SIPA1L3: variants seen among roughly 807,000 people sequenced by gnomAD.
SIPA1L3 encodes signal-induced proliferation-associated 1-like protein 3.
SIPA1L3 carries 59 observed loss-of-function variants against 150.1 expected under a neutral mutation model. The observed-to-expected ratio is 0.39, with a 90% CI of 0.32 to 0.49. SIPA1L3 has a LOEUF of 0.49. Ranked by LOEUF, SIPA1L3 falls within the 20% of genes least tolerant of loss-of-function variation. The pLI is 0.86. For synonymous variants in SIPA1L3, 1,070 were observed against 1,077.6 expected (o/e 0.99, Z 0.14); for missense variants, 2,211 against 2,489.5 (o/e 0.89, Z 2.38).
chr19:38,177,157 C>G (rs566755923), intron 15 of SIPA1L3, among the ~76,000 whole-genome samples: 1 of 151,808 alleles, frequency 6.6e-6, no homozygotes, highest in Non-Finnish European at 1.5e-5. Flanking sequence ...GTCAGGAGAT[C>G]GAGACCACCC....
chr19:37,949,534 G>T (rs1001149240), intron 1 of SIPA1L3, among the ~76,000 whole-genome samples: 1 of 152,026 alleles, frequency 6.6e-6, no homozygotes, highest in Admixed American at 6.6e-5. Flanking sequence ...GTGTGGTGGC[G>T]CACGCCTGTA....
chr19:37,990,136 G>A (rs1019078424), intron 1 of SIPA1L3, among the ~76,000 whole-genome samples: 1 of 151,938 alleles, frequency 6.6e-6, no homozygotes, highest in African/African-American at 2.4e-5. Flanking sequence ...TCTGCCCTAC[G>A]GCCGCATGCC....
chr19:37,991,278 A>G (rs1328870576), intron 1 of SIPA1L3, among the ~76,000 whole-genome samples: 1 of 152,234 alleles, frequency 6.6e-6, no homozygotes, highest in African/African-American at 2.4e-5. Flanking sequence ...GCCTTTTAAA[A>G]AAAATAGTCT....
chr19:38,005,623 A>G (rs2145669195), intron 1 of SIPA1L3, among the ~76,000 whole-genome samples: 1 of 152,192 alleles, frequency 6.6e-6, no homozygotes, highest in South Asian at 2.1e-4. Flanking sequence ...CCCTCCCCTT[A>G]ATGTCAGCTC....
rs146424213 is a variant in SIPA1L3, at chr19:38,152,844, A to G, written c.3538A>G (p.Thr1180Ala). 1.2e-4 allele frequency: 191 copies of G among 1,609,694 alleles called. 1 individual carries two copies. Among genetic ancestry groups the G allele is most frequent in the Non-Finnish European group, 1.6e-4 (186 of 1,177,780 alleles). The change falls in exon 13 of 22, where the codon ACG becomes GCG. Residue 1180 changes from threonine (T) to alanine (A), a missense_variant. Transcript: ENST00000222345. Reference sequence around the variant, plus strand: ...CGTTCTTCTCATCCCCTGCAGGTACACGGCTGCCCCACACCCCCTGCTATC... The same window carrying G: ...CGTTCTTCTCATCCCCTGCAGGTACGCGGCTGCCCCACACCCCCTGCTATC... ...VRYKPSPERY[T>A]AAPHPLLSLD...
At chr19:37,911,791 G>A (rs775018385) in intron 1 of SIPA1L3, among the ~76,000 whole-genome samples, 7 of 152,016 alleles carry the variant, frequency 4.6e-5, no homozygotes, top group South Asian at 2.1e-4. Context: ...GAGCCACCGC[G>A]CCTGGCCCCT....
At chr19:37,985,655 G>A (rs1967331373) in intron 1 of SIPA1L3, among the ~76,000 whole-genome samples, 1 of 152,224 alleles carries the variant, frequency 6.6e-6, no homozygotes, top group African/African-American at 2.4e-5. Context: ...CACACAGGTG[G>A]GTGAACAAGG....
intron 2 of SIPA1L3, among the ~76,000 whole-genome samples, chr19:38,071,370 T>C (rs1969720743): frequency 6.6e-6 from 1 of 152,060 alleles, no homozygotes; most frequent in Admixed American, 6.6e-5. Context: ...CACTGCCACC[T>C]CCCTCTCCCA....
In SIPA1L3 at chr19:38,141,197, A is replaced by G. The variant is rs987769268; in HGVS notation, c.3157A>G (p.Thr1053Ala). 1 of 1,596,470 alleles carries G rather than the reference A, an allele frequency of 6.3e-7. No individual in the cohort carries two copies. The highest frequency in any genetic ancestry group is 1.3e-5 in the African/African-American group (1 of 74,570). ...TTTTCTCCCCAGGGGTTGGCCGGAG[A>G]CCTACGACATGAATACCTCGGAGCC... ...DGTPRRGWPETYDMNTSEPKT... is the reference protein window; with the variant it reads ...DGTPRRGWPEAYDMNTSEPKT... Residue 1053 changes from threonine (T) to alanine (A), a missense_variant, in exon 11 of 22, where the codon ACC becomes GCC. Around this residue, in one of 5 missense-constraint regions of SIPA1L3, gnomAD observed 625 missense variants for 804.2 expected, o/e 0.78. Transcript: ENST00000222345.
chr19:37,967,655 C>T (rs2046916157), intron 1 of SIPA1L3, among the ~76,000 whole-genome samples: 1 of 152,122 alleles, frequency 6.6e-6, no homozygotes, highest in South Asian at 2.1e-4. Flanking sequence ...CAAATGAGGC[C>T]ACATTCTGAA....
chr19:38,104,823 G>A (rs61406623), intron 6 of SIPA1L3, among the ~76,000 whole-genome samples: 1 of 151,672 alleles, frequency 6.6e-6, no homozygotes. Context: ...CACCCACCTC[G>A]GCCTCCCAAA....
intron 6 of SIPA1L3, among the ~76,000 whole-genome samples, chr19:38,104,189 TAGAG>T (rs1215438617): frequency 6.6e-6 from 1 of 152,298 alleles, no homozygotes; most frequent in African/African-American, 2.4e-5. Flanking sequence ...AGACAAATCT[TAGAG>T]AGAGAAGTGA....
intron 1 of SIPA1L3, among the ~76,000 whole-genome samples, chr19:37,978,986 A>G (rs1967137104): frequency 1.3e-5 from 2 of 151,066 alleles, no homozygotes; most frequent in African/African-American, 4.9e-5. Context: ...ACAAAACCAG[A>G]AAAAAAGGCA....
At chr19:38,166,205 C>G (rs987002469) in intron 15 of SIPA1L3, among the ~76,000 whole-genome samples, 5 of 151,984 alleles carry the variant, frequency 3.3e-5, no homozygotes, top group African/African-American at 1.2e-4. Context: ...CCTGTAATCC[C>G]AGCACTTTGG....
intron 1 of SIPA1L3, among the ~76,000 whole-genome samples, chr19:38,024,844 C>A (rs866733820): frequency 6.6e-6 from 1 of 152,042 alleles, no homozygotes; most frequent in African/African-American, 2.4e-5. Context: ...TTGTTGTAAG[C>A]GACAGAACCT....
intron 2 of SIPA1L3, among the ~76,000 whole-genome samples, chr19:38,062,626 T>A (rs57117156): frequency 0.19 from 29,149 of 151,778 alleles, 3,063 homozygotes; most frequent in African/African-American, 0.28. Context: ...TTATTATTTT[T>A]TTTTTTGAGA....
chr19:37,966,760 G>C (rs536805001), intron 1 of SIPA1L3, among the ~76,000 whole-genome samples: 119 of 152,198 alleles, frequency 7.8e-4, no homozygotes, highest in Non-Finnish European at 1.5e-3. Flanking sequence ...CTCAGCCTCT[G>C]TCCAGGCACT....
intron 1 of SIPA1L3, among the ~76,000 whole-genome samples, chr19:37,945,997 A>G (rs1164246079): frequency 1.3e-5 from 2 of 151,872 alleles, no homozygotes; most frequent in Admixed American, 6.6e-5. Flanking sequence ...TCTACTAAAG[A>G]TACAAAAATT....
At chr19:37,967,658 A>G (rs969396826) in intron 1 of SIPA1L3, among the ~76,000 whole-genome samples, 1 of 152,190 alleles carries the variant, frequency 6.6e-6, no homozygotes, top group Non-Finnish European at 1.5e-5. Context: ...ATGAGGCCAC[A>G]TTCTGAAACA....
Sources: allele counts gnomAD v4.1 joint callset (sites outside exome capture counted in the v4.1 genomes callset), GRCh38; gene constraint gnomAD v4.1.1; regional missense constraint gnomAD v4.1.1; transcripts MANE v1.5; gene names NCBI Gene and HGNC (gene_info 2026-07-23, HGNC 2026-07-21).